The following GPR21 variants were observed in gnomAD, a reference collection of about 807,000 sequenced individuals.
The protein encoded by GPR21 is probable G protein-coupled receptor 21.
GPR21 carries 9 observed loss-of-function variants against 21.5 expected under a neutral mutation model. That is an observed-to-expected ratio of 0.42 (90% CI 0.25 to 0.73). The LOEUF (loss-of-function observed/expected upper bound fraction) is 0.73. GPR21 is among the 30% of genes least tolerant of loss of function. The pLI is 0.27. For missense variants in GPR21, 416 were observed against 428.9 expected (o/e 0.97, Z 0.27); for synonymous variants, 169 against 159.3 (o/e 1.06, Z -0.46).
downstream of GPR21, among the ~76,000 whole-genome samples, chr9:123,036,448 G>A (rs1210389449): frequency 1.3e-5 from 2 of 152,204 alleles, no homozygotes; most frequent in Non-Finnish European, 1.5e-5. Flanking sequence ...AAGCTAAAAA[G>A]TAATTCAGTG....
chr9:123,048,595 G>A, the GPR21 span, among the ~76,000 whole-genome samples: 3 of 152,166 alleles, frequency 2.0e-5, no homozygotes, highest in African/African-American at 7.2e-5. Flanking sequence ...AGTTTACTTG[G>A]TAATAATACA....
the GPR21 span, among the ~76,000 whole-genome samples, chr9:123,047,797 T>A: frequency 2.6e-5 from 4 of 151,996 alleles, no homozygotes; most frequent in Non-Finnish European, 5.9e-5. Flanking sequence ...GAATTCTTAA[T>A]GCAGTGCAGC....
Position 123,034,306 on chromosome 9 carries a change from G to T in GPR21, c.-261G>T. 1 of 524,692 alleles carries T rather than the reference G, an allele frequency of 1.9e-6. No homozygotes were observed. Among genetic ancestry groups the T allele is most frequent in the Non-Finnish European group, 3.3e-6 (1 of 300,710 alleles). The allele number at this position is 524,692 out of a possible 1,614,324, so 32.5% of individuals were successfully genotyped here. A position where few individuals can be genotyped will look rare whatever the true frequency, so the allele number is the denominator to read the frequency against. On this transcript the variant is annotated 5_prime_UTR_variant, in exon 2 of 2. Transcript: ENST00000616002. ...TTACCTTGCTCCCCTGGTGCTATGT[G>T]TATGGTGAACCTGGCACTATGGCCG... is the stretch of plus-strand genomic sequence containing the variant.
the GPR21 span, among the ~76,000 whole-genome samples, chr9:123,044,625 ACG>A: frequency 2.5e-5 from 2 of 79,326 alleles, no homozygotes; most frequent in African/African-American, 4.1e-5. Flanking sequence ...AAACACACGT[ACG>A]TGTGTGTGTG....
downstream of GPR21, chr9:123,035,842 A>G: frequency 2.1e-6 from 1 of 472,306 alleles, no homozygotes; most frequent in Non-Finnish European, 3.7e-6. Flanking sequence ...TCATGAAGAC[A>G]AATTGCTCTT....
At chr9:123,045,791 T>A in the GPR21 span, among the ~76,000 whole-genome samples, 1 of 152,190 alleles carries the variant, frequency 6.6e-6, no homozygotes, top group Non-Finnish European at 1.5e-5. Context: ...TTGGAGTCTT[T>A]GGCCCTTGGT....
the GPR21 span, among the ~76,000 whole-genome samples, chr9:123,041,051 A>G: frequency 1.3e-5 from 2 of 152,174 alleles, no homozygotes; most frequent in South Asian, 4.1e-4. Context: ...CAGCCATGCC[A>G]TGGGGTGGGC....
the GPR21 span, among the ~76,000 whole-genome samples, chr9:123,041,681 G>C: frequency 6.6e-6 from 1 of 152,348 alleles, no homozygotes; most frequent in East Asian, 1.9e-4. Context: ...TGGAAATTCA[G>C]TGGACGAGTA....
Position 123,035,128 on chromosome 9 carries a change from G to T in GPR21, c.562G>T (p.Asp188Tyr). ...GTGGTGTGCGGAGTCCTGGCACACC[G>T]ACTCCTACTTCACCCTGTTCATCGT... ...FQWCAESWHT[D>Y]SYFTLFIVMM... Residue 188 changes from aspartate (D) to tyrosine (Y), a missense_variant, in exon 2 of 2, where the codon GAC (aspartate) becomes TAC (tyrosine). Coordinates refer to ENST00000616002, the MANE Select transcript of GPR21 (RefSeq NM_005294.3). 6.2e-7 allele frequency: 1 copy of T among 1,613,654 alleles called. No homozygotes were observed. The highest frequency in any genetic ancestry group is 1.1e-5 in the South Asian group (1 of 91,062).
chr9:123,040,162 C>T (rs959253925), downstream of GPR21, among the ~76,000 whole-genome samples: 1 of 152,178 alleles, frequency 6.6e-6, no homozygotes, highest in Admixed American at 6.5e-5. Flanking sequence ...CTGTGATTAT[C>T]TGTCTTCCAG....
the GPR21 span, among the ~76,000 whole-genome samples, chr9:123,041,836 A>G: frequency 2.8e-4 from 43 of 152,306 alleles, no homozygotes; most frequent in African/African-American, 7.0e-4. Context: ...CATAGAGACT[A>G]AAAAACAAGA....
At chr9:123,048,159 G>A in the GPR21 span, among the ~76,000 whole-genome samples, 445 of 151,920 alleles carry the variant, frequency 2.9e-3, 2 homozygotes, top group African/African-American at 0.01. Flanking sequence ...GGCTGGTCTC[G>A]AACTCCTGAC....
At chr9:123,045,163 ATACT>A in the GPR21 span, among the ~76,000 whole-genome samples, 8 of 152,348 alleles carry the variant, frequency 5.3e-5, no homozygotes, top group Middle Eastern at 3.4e-3. Context: ...CTTTCAGCAA[ATACT>A]TACTGAGTTG....
chr9:123,042,734 A>G, the GPR21 span, among the ~76,000 whole-genome samples: 1 of 152,332 alleles, frequency 6.6e-6, no homozygotes, highest in East Asian at 1.9e-4. Context: ...GAATCTTCAG[A>G]AACAGAATAG....
Position 123,034,923 on chromosome 9 carries a change from T to G in GPR21, c.357T>G (p.Ser119=), listed in dbSNP as rs1272185405. 1 of 1,613,264 alleles carries G rather than the reference T, an allele frequency of 6.2e-7. No individual in the cohort carries two copies. Among genetic ancestry groups the G allele is most frequent in the East Asian group, 2.2e-5 (1 of 44,888 alleles). ...TTCTGAAGAGCGTCTCCATGGCTTC[T>G]CTGGCCTGTATCAGCATTGATAGAT... ...VSVLKSVSMA[S]LACISIDRYI... The change falls in exon 2 of 2, where the codon TCT becomes TCG. Residue 119 remains serine, a synonymous_variant. Coordinates refer to ENST00000616002, the MANE Select transcript of GPR21 (RefSeq NM_005294.3).
the GPR21 span, among the ~76,000 whole-genome samples, chr9:123,045,665 G>C: frequency 9.8e-5 from 15 of 152,294 alleles, no homozygotes; most frequent in South Asian, 3.1e-3. Flanking sequence ...TTTAAGATCA[G>C]TTGCATATTA....
the GPR21 span, among the ~76,000 whole-genome samples, chr9:123,043,775 AAC>A: frequency 6.6e-6 from 1 of 152,180 alleles, no homozygotes; most frequent in African/African-American, 2.4e-5. Flanking sequence ...ATTAAAAACA[AAC>A]AGCTTTAAAA....
chr9:123,042,368 T>TTC, the GPR21 span, among the ~76,000 whole-genome samples: 1 of 152,158 alleles, frequency 6.6e-6, no homozygotes, highest in Non-Finnish European at 1.5e-5. Flanking sequence ...TGAGAAAAAG[T>TTC]TCTCACATAA....
downstream of GPR21, among the ~76,000 whole-genome samples, chr9:123,038,150 T>G (rs1342842819): frequency 1.3e-5 from 2 of 152,154 alleles, no homozygotes; most frequent in African/African-American, 4.8e-5. Flanking sequence ...CAATTACAAA[T>G]GGACTAGTGT....
Sources: allele counts gnomAD v4.1 joint callset (sites outside exome capture counted in the v4.1 genomes callset), GRCh38; gene constraint gnomAD v4.1.1; transcripts MANE v1.5; gene names NCBI Gene and HGNC (gene_info 2026-07-23, HGNC 2026-07-21).